SLC45A4: variants seen among roughly 807,000 people sequenced by gnomAD.
SLC45A4 encodes the protein polyamine-transporter SLC45A4.
A neutral mutation model predicts 63.7 loss-of-function variants in SLC45A4; 32 were observed. The observed-to-expected ratio is 0.50, with a 90% confidence interval of 0.38 to 0.67. The LOEUF (loss-of-function observed/expected upper bound fraction) is 0.67, where lower values mean the gene tolerates loss of function less well. Ranked by LOEUF, SLC45A4 falls within the 30% of genes least tolerant of loss-of-function variation. The pLI, the probability that SLC45A4 is intolerant of heterozygous loss-of-function variation, is 0.00. For missense variants in SLC45A4, 1,027 were observed against 1,157.7 expected, an observed-to-expected ratio of 0.89 and a Z score of 1.64; for synonymous variants, 535 against 510.0, an observed-to-expected ratio of 1.05 and a Z score of -0.66.
chr8:141,231,730 C>T (rs1827366428), intron 2 of SLC45A4, among the ~76,000 whole-genome samples: 1 of 152,230 alleles, frequency 6.6e-6, no homozygotes, highest in African/African-American at 2.4e-5. Flanking sequence ...GCCCAGCCCA[C>T]TACATTGACA....
Position 141,212,273 on chromosome 8 carries a change from CCACCGGCCCTGCCTT to C in SLC45A4, c.2210_2224del (p.Glu737_Gly741del), listed in dbSNP as rs1216554177. ...CAGCACGGTGGGCTTTTCGCTGTTCCCACCGGCCCTGCCTTCGCCGGCCAACGGGGAAGACAGGCC... is the reference window on the plus strand; with the variant it reads ...CAGCACGGTGGGCTTTTCGCTGTTCCCGCCGGCCAACGGGGAAGACAGGCC... On this transcript the variant is annotated inframe_deletion, in exon 8 of 9. Coordinates refer to ENST00000517878, the MANE Select transcript of SLC45A4 (RefSeq NM_001286646.2). The C allele has an allele frequency of 1.2e-6, 2 of 1,600,630 alleles. No individual in the cohort carries two copies. Among genetic ancestry groups the C allele is most frequent in the African/African-American group, 2.7e-5 (2 of 74,584 alleles).
intron 1 of SLC45A4, among the ~76,000 whole-genome samples, chr8:141,281,650 C>T (rs1344241730): frequency 6.6e-6 from 1 of 152,206 alleles, no homozygotes; most frequent in African/African-American, 2.4e-5. Context: ...TTTGCACATA[C>T]ACAGACTCAG....
chr8:141,228,461 C>A (rs972843080), intron 2 of SLC45A4: 3 of 1,369,578 alleles, frequency 2.2e-6, no homozygotes, highest in Admixed American at 6.1e-5. Flanking sequence ...CAGGGCCGAC[C>A]CTGTGTCCAG....
rs745484297 is a variant in SLC45A4, at chr8:141,221,602, T to C, written c.405A>G (p.Ala135=). 3 of 1,613,316 alleles carry C rather than the reference T, an allele frequency of 1.9e-6. No homozygotes were observed. The highest frequency in any genetic ancestry group is 1.8e-4 in the Middle Eastern group (1 of 5,640). ...CGATGGCAGAGCCGTTAAGGAAAAGTGCAACGCCAAAGAGGACGCCAACGC... is the reference window on the plus strand; with the variant it reads ...CGATGGCAGAGCCGTTAAGGAAAAGCGCAACGCCAAAGAGGACGCCAACGC... ...ALCVGVLFGV[A]LFLNGSAIGL... Residue 135 remains alanine, a synonymous_variant, in exon 3 of 9, where the codon GCA becomes GCG. Coordinates refer to ENST00000517878, the MANE Select transcript of SLC45A4 (RefSeq NM_001286646.2).
intron 8 of SLC45A4, 64 bp from the exon 9 acceptor site, chr8:141,211,761 T>C: frequency 6.1e-6 from 9 of 1,470,154 alleles, no homozygotes; most frequent in Non-Finnish European, 8.1e-6. Context: ...ATCTGAAGCA[T>C]TCAGATAAGA....
At chr8:141,246,949 T>C (rs1181407605) in intron 2 of SLC45A4, among the ~76,000 whole-genome samples, 1 of 152,028 alleles carries the variant, frequency 6.6e-6, no homozygotes, top group Admixed American at 6.5e-5. Flanking sequence ...TGAGACACCA[T>C]CTAATAATAG....
In SLC45A4 at chr8:141,218,872, CTCCTCGTCGATGCTGAACAGGTGCA is replaced by C. The variant is rs1826392863; in HGVS notation, c.743_767del (p.Leu248ArgfsTer123). The C allele has an allele frequency of 2.5e-6, 4 of 1,613,586 alleles. No individual in the cohort carries two copies. The stretch of plus-strand genomic sequence containing the variant: ...TGCGCTCCTGCTGCGGGCTGTACTG[CTCCTCGTCGATGCTGAACAGGTGCA>C]GGGCCACGGACACCGTGAAGATGAT... On this transcript the variant is annotated frameshift_variant, in exon 5 of 9. Transcript: ENST00000517878. LOFTEE classifies it high-confidence loss of function.
At chr8:141,246,852 C>T (rs536321788) in intron 2 of SLC45A4, among the ~76,000 whole-genome samples, 23 of 152,282 alleles carry the variant, frequency 1.5e-4, no homozygotes, top group South Asian at 1.0e-3. Context: ...TGGTGGTGCA[C>T]ACCTGCAATC....
intron 2 of SLC45A4, among the ~76,000 whole-genome samples, chr8:141,243,176 C>A (rs958518476): frequency 6.6e-6 from 1 of 152,212 alleles, no homozygotes; most frequent in Non-Finnish European, 1.5e-5. Flanking sequence ...TCAGGGGGAC[C>A]CCATGTCTGC....
chr8:141,282,735 G>A (rs1355050533), intron 1 of SLC45A4, among the ~76,000 whole-genome samples: 3 of 152,248 alleles, frequency 2.0e-5, no homozygotes, highest in Non-Finnish European at 2.9e-5. Context: ...CTGCCTTCGC[G>A]ATTTGGGACG....
rs1829797044 is a variant in SLC45A4, at chr8:141,278,052, A to C, written c.-400-23423T>G. Among the ~76,000 whole-genome samples the C allele has an allele frequency of 6.6e-6, 1 of 152,186 alleles. No homozygotes were observed. Among genetic ancestry groups the C allele is most frequent in the African/African-American group, 2.4e-5 (1 of 41,444 alleles). On this transcript the variant is annotated intron_variant, in intron 1 of 8. Transcript: ENST00000517878. This position sits in a 1 kb window ranked among gnomAD's most constrained non-coding sequence, Gnocchi z 4.1. ...GCCTCCCAAGCAGCTGGGACTACAGATGCATGCCAACATCCATGTCCGACT... is the reference window on the plus strand; with the variant it reads ...GCCTCCCAAGCAGCTGGGACTACAGCTGCATGCCAACATCCATGTCCGACT...
At chr8:141,306,295 C>G (rs185554298) in intron 1 of SLC45A4, among the ~76,000 whole-genome samples, 1 of 152,356 alleles carries the variant, frequency 6.6e-6, no homozygotes, top group Non-Finnish European at 1.5e-5. Flanking sequence ...CGATTTGCTT[C>G]TTTCCTTTAC....
At chr8:141,297,489 A>G (rs1830600021) in intron 1 of SLC45A4, among the ~76,000 whole-genome samples, 1 of 152,270 alleles carries the variant, frequency 6.6e-6, no homozygotes, top group Non-Finnish European at 1.5e-5. Context: ...GGCAGAAACC[A>G]CAGCCTGCAT....
At chr8:141,246,891 G>A (rs554650511) in intron 2 of SLC45A4, among the ~76,000 whole-genome samples, 1 of 152,290 alleles carries the variant, frequency 6.6e-6, no homozygotes, top group East Asian at 1.9e-4. Flanking sequence ...GAGGCAGGAG[G>A]ATTGCTTGAG....
intron 3 of SLC45A4, among the ~76,000 whole-genome samples, chr8:141,221,133 T>C (rs72681558): frequency 0.016 from 2,458 of 152,396 alleles, 48 homozygotes; most frequent in Non-Finnish European, 0.025. Flanking sequence ...TTAACAGTTT[T>C]GATGGGTGCC....
intron 1 of SLC45A4, among the ~76,000 whole-genome samples, chr8:141,263,978 C>T (rs1829155120): frequency 6.6e-6 from 1 of 152,100 alleles, no homozygotes; most frequent in Admixed American, 6.6e-5. Context: ...AGCTGGTGGC[C>T]TCCGGGTTGG....
At chr8:141,233,415 G>A (rs1680533559) in intron 2 of SLC45A4, among the ~76,000 whole-genome samples, 1 of 152,182 alleles carries the variant, frequency 6.6e-6, no homozygotes, top group Non-Finnish European at 1.5e-5. Flanking sequence ...GCCAGGTGCG[G>A]TGGCTCACAC....
chr8:141,242,652 C>A (rs189478601), intron 2 of SLC45A4, among the ~76,000 whole-genome samples: 31 of 152,302 alleles, frequency 2.0e-4, no homozygotes, highest in Non-Finnish European at 4.0e-4. Context: ...CCAACACTGA[C>A]CCTGGACAAG....
intron 1 of SLC45A4, among the ~76,000 whole-genome samples, chr8:141,284,615 G>C (rs930858159): frequency 1.3e-5 from 2 of 152,206 alleles, no homozygotes; most frequent in African/African-American, 4.8e-5. Flanking sequence ...ACGGTGAACA[G>C]TGACCCAAAG....
Sources: allele counts gnomAD v4.1 joint callset (sites outside exome capture counted in the v4.1 genomes callset), GRCh38; gene constraint gnomAD v4.1.1; non-coding constraint Gnocchi (gnomAD v3.1); transcripts MANE v1.5; gene names NCBI Gene and HGNC (gene_info 2026-07-23, HGNC 2026-07-21).